The following IRX4 variants were observed in gnomAD, a reference collection of about 807,000 sequenced individuals.
IRX4 encodes iroquois homeobox 4.
A neutral mutation model predicts 32.0 loss-of-function variants in IRX4; 22 were observed. The observed-to-expected ratio is 0.69, with a 90% CI of 0.49 to 0.98. The LOEUF (loss-of-function observed/expected upper bound fraction) is 0.98. Ranked by LOEUF, IRX4 falls within the 50% of genes least tolerant of loss-of-function variation. The pLI, the probability that IRX4 is intolerant of heterozygous loss-of-function variation, is 0.00. For synonymous variants in IRX4, 379 were observed against 351.7 expected (o/e 1.08, Z -0.87); for missense variants, 840 against 744.2 (o/e 1.13, Z -1.50).
rs1362711623 is a variant in IRX4 at position 1,882,037 on chromosome 5, A to C, written c.68T>G (p.Leu23Arg). ...APQFLMATNS[L>R]STCCESGGRT... ...GCCTCCGGACTCGCAGCACGTGCTC[A>C]GGGAGTTGGTGGCCATCAAGAACTG... The change falls in exon 2 of 5, where the codon CTG becomes CGG. Residue 23 changes from leucine to arginine, a missense_variant. Leu to Arg is a moderately radical substitution (Grantham distance 102). Around this residue, in one of 3 missense-constraint regions of IRX4, gnomAD observed 241 missense variants for 220.8 expected, o/e 1.09. Transcript: ENST00000231357. The C allele has an allele frequency of 6.4e-7, 1 of 1,552,758 alleles. No homozygotes were observed.
chr5:1,882,640 T>C lies in IRX4; in HGVS notation c.8A>G (p.Tyr3Cys), dbSNP rs1197861317. MS[Y>C]PQFGYPYSSA... Reference sequence around the variant, plus strand: ...GGAGTAGGGGTATCCAAACTGCGGGTAGGACATGGCGGGCGCGGCCCGGGG... The same window carrying C: ...GGAGTAGGGGTATCCAAACTGCGGGCAGGACATGGCGGGCGCGGCCCGGGG... The change falls in exon 1 of 5, where the codon TAC (tyrosine) becomes TGC (cysteine). Residue 3 changes from tyrosine (Y) to cysteine (C), a missense_variant. By Grantham distance (194) the Tyr-to-Cys change is radical (BLOSUM62 -2). Transcript: ENST00000231357. 7.8e-6 allele frequency: 11 copies of C among 1,411,998 alleles called. No homozygotes were observed. The highest frequency in any genetic ancestry group is 9.2e-6 in the Non-Finnish European group (10 of 1,084,570). The allele number at this position is 1,411,998 out of a possible 1,614,324, so 87.5% of individuals were successfully genotyped here.
At chr5:1,882,553 C>T (rs1735489712) in intron 1 of IRX4, 50 bp downstream of exon 1, 1 of 1,464,200 alleles carries the variant, frequency 6.8e-7, no homozygotes. Flanking sequence ...CCCGCCCCAT[C>T]CGCCCTACCG....
chr5:1,882,208 C>T, intron 1 of IRX4, 149 bp from the exon 2 acceptor site: 3 of 982,208 alleles, frequency 3.1e-6, no homozygotes, highest in Non-Finnish European at 4.3e-6. Context: ...CCCCTTTCCA[C>T]TAGCTTGTGC....
chr5:1,882,147 G>A, intron 1 of IRX4, 88 bp from the exon 2 acceptor site: 1 of 1,452,746 alleles, frequency 6.9e-7, no homozygotes, highest in Non-Finnish European at 9.1e-7. Context: ...CGCCCACGAG[G>A]GCGTGCCCCG....
chr5:1,879,960 A>T, intron 3 of IRX4, 128 bp from the exon 4 acceptor site: 1 of 1,512,692 alleles, frequency 6.6e-7, no homozygotes, highest in Non-Finnish European at 8.8e-7. Flanking sequence ...GGTTGTGGTC[A>T]TGGTCATAAG....
rs771009076 is a variant in IRX4 at position 1,879,908 on chromosome 5, G to A, written c.408-76C>T. ...CATCATGGGCATAGGGGTGGGGGTC[G>A]GCCAGGGGCATGCCAGGATGGGCTT... On this transcript the variant is annotated intron_variant, in intron 3 of 4. Coordinates refer to ENST00000231357, the MANE Select transcript of IRX4 (RefSeq NM_016358.3). The A allele has an allele frequency of 5.7e-6, 9 of 1,586,270 alleles. No individual in the cohort carries two copies. In the South Asian group the frequency reaches 6.7e-5, roughly 12 times the overall value.
chr5:1,886,204 T>A (rs902882473), upstream of IRX4, among the ~76,000 whole-genome samples: 4 of 152,380 alleles, frequency 2.6e-5, no homozygotes, highest in Middle Eastern at 3.4e-3. Context: ...TCGGCCAGCC[T>A]AGCCCTGGTG....
intron 3 of IRX4, 76 bp downstream of exon 3, chr5:1,880,649 T>C (rs1735393190): frequency 2.1e-6 from 2 of 947,650 alleles, no homozygotes; most frequent in South Asian, 1.3e-5. Context: ...GGGGGCATGA[T>C]GGTGGAGGGG....
upstream of IRX4, chr5:1,887,168 G>GGCGGAGCACCTGGCGA (rs1368368181): frequency 1.3e-5 from 2 of 151,812 alleles, no homozygotes; most frequent in Non-Finnish European, 2.9e-5. Context: ...GACATTTCCA[G>GGCGGAGCACCTGGCGA]GCGGAGCACC....
At chr5:1,879,431 T>C in intron 4 of IRX4, 73 bp downstream of exon 4, 1 of 1,607,496 alleles carries the variant, frequency 6.2e-7, no homozygotes, top group South Asian at 1.1e-5. Flanking sequence ...CCCCAAGACG[T>C]CCTAGAACCG....
Position 1,882,703 on chromosome 5 carries a change from C to A in IRX4, c.-56G>T, listed in dbSNP as rs1000752855. On this transcript the variant is annotated 5_prime_UTR_variant, in exon 1 of 5. Transcript: ENST00000231357. ...GCCTGCAGGGTTCTGCGCGCTGGGG[C>A]CGGCGTGGCGCGGCCACTGCTCCGG... 2.3e-5 allele frequency: 27 copies of A among 1,182,598 alleles called. No individual in the cohort carries two copies. The highest frequency in any genetic ancestry group is 2.5e-5 in the Non-Finnish European group (23 of 904,484). 73.3% of individuals were successfully genotyped at this position (1,182,598 alleles called of 1,614,324 possible).
In IRX4 at chr5:1,878,785, C is replaced by G; in HGVS notation, c.744G>C (p.Val248=). The part of the protein sequence containing the change: ...PLKSSKNAEP[V]GKEEKELELS... ...GCTCCAGCTCCTTCTCCTCTTTGCC[C>G]ACGGGCTCTGCGGGAGAGAATGCGT... The change falls in exon 5 of 5, where the codon GTG becomes GTC. Residue 248 remains valine, a synonymous_variant. Transcript: ENST00000231357. 6.2e-7 allele frequency: 1 copy of G among 1,613,240 alleles called. No individual in the cohort carries two copies. The highest frequency in any genetic ancestry group is 8.5e-7 in the Non-Finnish European group (1 of 1,179,872).
rs4975753 is a variant in IRX4, at chr5:1,880,751, T to C, written c.381A>G (p.Pro127=). The C allele has an allele frequency of 0.25, 397,775 of 1,612,722 alleles. 50,435 individuals are homozygous for C. The highest frequency in any genetic ancestry group is 0.35 in the Admixed American group (20,823 of 59,998). The part of the protein sequence containing the change: ...PAAAAYYPYE[P]ALGQYPYDRY... ...TGTCATAGGGGTACTGGCCCAGAGC[T>C]GGCTCGTAAGGGTAGTAGGCGGCAG... is the stretch of plus-strand genomic sequence containing the variant. Residue 127 remains proline, a synonymous_variant, in exon 3 of 5, where the codon CCA becomes CCG. Coordinates refer to ENST00000231357, the MANE Select transcript of IRX4 (RefSeq NM_016358.3).
chr5:1,885,968 C>T (rs1420334327), upstream of IRX4, among the ~76,000 whole-genome samples: 3 of 151,736 alleles, frequency 2.0e-5, no homozygotes, highest in Non-Finnish European at 4.4e-5. Context: ...TCAGCCGGCT[C>T]CCGGAGTACA....
At chr5:1,882,533 AC>A (rs1735488597) in intron 1 of IRX4, 69 bp downstream of exon 1, 16 of 1,328,572 alleles carry the variant, frequency 1.2e-5, no homozygotes, top group Admixed American at 4.4e-5. Context: ...GACACTCCCC[AC>A]CCCCCGTCCC....
upstream of IRX4, among the ~76,000 whole-genome samples, chr5:1,883,518 C>A (rs1473050030): frequency 6.6e-6 from 1 of 152,226 alleles, no homozygotes; most frequent in East Asian, 1.9e-4. Context: ...CGCAAGACAG[C>A]CCGCAAGAGC....
In IRX4 at chr5:1,882,771, C is replaced by G; in HGVS notation, c.-124G>C. 1 of 552,896 alleles carries G rather than the reference C, an allele frequency of 1.8e-6. No homozygotes were observed. Among genetic ancestry groups the G allele is most frequent in the Non-Finnish European group, 2.9e-6 (1 of 339,652 alleles). The allele number at this position is 552,896 out of a possible 1,614,324, so 34.2% of individuals were successfully genotyped here. On this transcript the variant is annotated 5_prime_UTR_variant, in exon 1 of 5. Transcript: ENST00000231357. ...CGCTGGGAGGGCGAAGCAGGAGAGC[C>G]GGTTAGTCCATCCCCGCGCTCCGCA...
Position 1,879,736 on chromosome 5 carries a change from G to C in IRX4, c.504C>G (p.Pro168=), listed in dbSNP as rs774240914. Residue 168 remains proline, a synonymous_variant, in exon 4 of 5, where the codon CCC becomes CCG. Transcript: ENST00000231357. ...KAWLQEHRKN[P]YPTKGEKIML... ...TGATCTTCTCGCCCTTGGTGGGGTAGGGGTTCTTGCGGTGCTCCTGCAGCC... is the reference window on the plus strand; with the variant it reads ...TGATCTTCTCGCCCTTGGTGGGGTACGGGTTCTTGCGGTGCTCCTGCAGCC... 8.7e-6 allele frequency: 14 copies of C among 1,614,256 alleles called. No homozygotes were observed. The South Asian group carries it at 1.4e-4, about 16-fold the overall frequency.
intron 4 of IRX4, 136 bp downstream of exon 4, chr5:1,879,368 G>T: frequency 7.2e-7 from 1 of 1,388,372 alleles, no homozygotes; most frequent in Non-Finnish European, 9.9e-7. Flanking sequence ...GTAGCCTGAG[G>T]CAGAACCGGT....
Sources: gnomAD v4.1 joint callset for allele counts (sites outside exome capture counted in the v4.1 genomes callset) on GRCh38, gnomAD v4.1.1 for gene constraint, gnomAD v4.1.1 regional missense constraint, MANE v1.5 for transcripts, NCBI Gene and HGNC (gene_info 2026-07-23, HGNC 2026-07-21) for gene names.